ZNF23: variants seen among roughly 807,000 people sequenced by gnomAD.
ZNF23 encodes the protein zinc finger protein 23.
Under a neutral mutation model 56.2 loss-of-function variants are expected in ZNF23, and 48 were observed. The ratio of observed to expected loss-of-function variants is 0.85; its 90% CI spans 0.68 to 1.09. ZNF23 has a LOEUF of 1.09. Among genes scored for constraint, ZNF23 ranks in the 50% least tolerant of loss-of-function variants. The pLI, the probability that ZNF23 is intolerant of heterozygous loss-of-function variation, is 0.00. For synonymous variants in ZNF23, 266 were observed against 283.3 expected (o/e 0.94, Z 0.61); for missense variants, 805 against 811.4 (o/e 0.99, Z 0.10).
In ZNF23 at chr16:71,454,087, A is replaced by G. The variant is rs776777995; in HGVS notation, c.115T>C (p.Tyr39His). ...TAATTCTCCAGCATCACATCCCTGTACAGGGTCCTCTGTGCAGGGGACAGG... is the reference window on the plus strand; with the variant it reads ...TAATTCTCCAGCATCACATCCCTGTGCAGGGTCCTCTGTGCAGGGGACAGG... ...DGLSPAQRTL[Y>H]RDVMLENYGN... The change falls in exon 3 of 5, where the codon TAC becomes CAC. Residue 39 changes from tyrosine (Y) to histidine (H), a missense_variant. Physicochemically the swap from Tyr to His is moderately conservative, Grantham distance 83 (BLOSUM62 2). Coordinates refer to ENST00000647773, the MANE Select transcript of ZNF23 (RefSeq NM_001381984.1). The G allele has an allele frequency of 6.8e-6, 11 of 1,613,994 alleles. No homozygotes were observed. The highest frequency in any genetic ancestry group is 4.4e-5 in the South Asian group (4 of 91,080).
chr16:71,459,308 AGCGGG>A (rs1288543903), intron 1 of ZNF23, among the ~76,000 whole-genome samples: 1 of 152,224 alleles, frequency 6.6e-6, no homozygotes, highest in African/African-American at 2.4e-5. Flanking sequence ...TCGATCCCCC[AGCGGG>A]GCAGCCTTAA....
intron 4 of ZNF23, chr16:71,451,945 G>A (rs2043069151): frequency 6.6e-6 from 1 of 152,208 alleles, no homozygotes; most frequent in South Asian, 2.1e-4. Context: ...ATCACTGACT[G>A]GGCTTCTGAA....
rs73575911 is a variant in ZNF23, at chr16:71,457,157, C to T, written c.-32-329G>A. 6.5e-3 allele frequency among the ~76,000 whole-genome samples: 992 copies of T among 152,306 alleles called. 4 individuals are homozygous for T. Among genetic ancestry groups the T allele is most frequent in the African/African-American group, 0.022 (907 of 41,568 alleles). ...GAGTGCATATAAAACCTGCTGGGCA[C>T]GGTGGCTCGTGCCTATAATCCCAAC... On this transcript the variant is annotated intron_variant, in intron 1 of 4. Coordinates refer to ENST00000647773, the MANE Select transcript of ZNF23 (RefSeq NM_001381984.1).
chr16:71,453,393 C>G (rs1383209968), intron 3 of ZNF23, 43 bp from the exon 4 acceptor site: 1 of 1,414,252 alleles, frequency 7.1e-7, no homozygotes, highest in Admixed American at 2.0e-5. Context: ...TGAATAAACT[C>G]CCACAGACAA....
rs888804787 is a variant in ZNF23 at position 71,456,787 on chromosome 16, T to C, written c.10A>G (p.Met4Val). The C allele has an allele frequency of 6.1e-6, 6 of 985,894 alleles. No homozygotes were observed. In the African/African-American group the frequency reaches 8.7e-5, roughly 14 times the overall value. The allele number at this position is 985,894 out of a possible 1,614,324, so 61.1% of individuals were successfully genotyped here. A position where few individuals can be genotyped will look rare whatever the true frequency, so the allele number is the denominator to read the frequency against. The change falls in exon 2 of 5, where the codon ATG (methionine) becomes GTG (valine). Residue 4 changes from methionine (M) to valine (V), a missense_variant. Physicochemically the swap from Met to Val is conservative, Grantham distance 21 (BLOSUM62 1). Coordinates refer to ENST00000647773, the MANE Select transcript of ZNF23 (RefSeq NM_001381984.1). ...ACCTGGGGCCAGGCTGTCAGGTGCA[T>C]GGCTGCCATCCCCTGGTCCCCGTCT... MAAMHLTAWPQKSV... is the reference protein window; with the variant it reads MAAVHLTAWPQKSV...
At chr16:71,450,682 G>A (rs1043446533) in intron 4 of ZNF23, 3 of 434,768 alleles carry the variant, frequency 6.9e-6, no homozygotes, top group East Asian at 7.9e-5. Context: ...TCTTGCCACT[G>A]CACTCCAGTT....
In ZNF23 at chr16:71,449,355, AGG is replaced by A. The variant is rs755451658; in HGVS notation, c.797_798del (p.Pro266LeufsTer32). 1.2e-6 allele frequency: 2 copies of A among 1,614,224 alleles called. No homozygotes were observed. The highest frequency in any genetic ancestry group is 4.5e-5 in the East Asian group (2 of 44,884). Reference sequence around the variant, plus strand: ...CTTTTCCCACACTCCACACATTTGAAGGGTTTCTCCCCACTGTGAAGTCTCTG... The same window carrying A: ...CTTTTCCCACACTCCACACATTTGAAGTTTCTCCCCACTGTGAAGTCTCTG... ...WHQRLHSGEK[P>X]FKCVECGKSF... On this transcript the variant is annotated frameshift_variant, in exon 5 of 5. Coordinates refer to ENST00000647773, the MANE Select transcript of ZNF23 (RefSeq NM_001381984.1). LOFTEE classifies it high-confidence loss of function.
chr16:71,460,888 AAAC>A (rs61020633), intron 1 of ZNF23, among the ~76,000 whole-genome samples: 35,534 of 152,030 alleles, frequency 0.23, 5,180 homozygotes, highest in South Asian at 0.52. Flanking sequence ...AAAACACTGA[AAAC>A]AACCCACATG....
Position 71,457,993 on chromosome 16 carries a change from C to T in ZNF23, c.-32-1165G>A, listed in dbSNP as rs183162713. Among the ~76,000 whole-genome samples the T allele has an allele frequency of 2.3e-4, 35 of 152,282 alleles. 1 individual carries two copies. The highest frequency in any genetic ancestry group is 3.4e-3 in the Middle Eastern group (1 of 294). On this transcript the variant is annotated intron_variant, in intron 1 of 4. Coordinates refer to ENST00000647773, the MANE Select transcript of ZNF23 (RefSeq NM_001381984.1). ...AGCTGCCCCCCAGTATCCTGCCCCA[C>T]TTCCTCAGAGCTCTGAATGTCCTCA...
chr16:71,460,024 C>A (rs1006628535), intron 1 of ZNF23, among the ~76,000 whole-genome samples: 2 of 152,116 alleles, frequency 1.3e-5, no homozygotes, highest in Non-Finnish European at 2.9e-5. Context: ...CCTTGAAGAC[C>A]GGGCAGTGAG....
rs767922004 is a variant in ZNF23 at position 71,448,238 on chromosome 16, C to A, written c.1916G>T (p.Gly639Val). Residue 639 changes from glycine to valine, a missense_variant, in exon 5 of 5, where the codon GGC becomes GTC. By Grantham distance (109) the Gly-to-Val change is moderately radical. Coordinates refer to ENST00000647773, the MANE Select transcript of ZNF23 (RefSeq NM_001381984.1). ...KPFRCVECGK[G>V]FSFSSDYIIH... Reference sequence around the variant, plus strand: ...AATGTAGTCAGAACTAAAGCTGAAGCCTTTGCCACATTCCACACATCTGAA... The same window carrying A: ...AATGTAGTCAGAACTAAAGCTGAAGACTTTGCCACATTCCACACATCTGAA... 1.2e-6 allele frequency: 2 copies of A among 1,614,086 alleles called. No individual in the cohort carries two copies. The highest frequency in any genetic ancestry group is 1.7e-6 in the Non-Finnish European group (2 of 1,180,046).
rs2042906703 is a variant in ZNF23, at chr16:71,448,042, C to G, written c.*51G>C. ...TTTTCAATGGATGAATCTGATGATACTTGATCCATTTTGGCATTAACCTTA... is the reference window on the plus strand; with the variant it reads ...TTTTCAATGGATGAATCTGATGATAGTTGATCCATTTTGGCATTAACCTTA... On this transcript the variant is annotated 3_prime_UTR_variant, in exon 5 of 5. Transcript: ENST00000647773. 2 of 1,434,388 alleles carry G rather than the reference C, an allele frequency of 1.4e-6. No homozygotes were observed. Among genetic ancestry groups the G allele is most frequent in the South Asian group, 2.8e-5 (2 of 71,266 alleles). The allele number at this position is 1,434,388 out of a possible 1,614,324, so 88.9% of individuals were successfully genotyped here.
chr16:71,448,810 C>T lies in ZNF23; in HGVS notation c.1344G>A (p.Gly448=). The T allele has an allele frequency of 6.2e-7, 1 of 1,614,096 alleles. No individual in the cohort carries two copies. The highest frequency in any genetic ancestry group is 8.5e-7 in the Non-Finnish European group (1 of 1,180,010). Residue 448 remains glycine, a synonymous_variant, in exon 5 of 5, where the codon GGG becomes GGA. Transcript: ENST00000647773. Reference sequence around the variant, plus strand: ...GAATTCTCTGGTGTTGGATTAACTTCCCTTTGACACTGAAGGCTTTTCCAC... The same window carrying T: ...GAATTCTCTGGTGTTGGATTAACTTTCCTTTGACACTGAAGGCTTTTCCAC... ...TECGKAFSVK[G]KLIQHQRIHT... is the part of the protein sequence containing the mutation.
chr16:71,460,605 T>C (rs2043408890), intron 1 of ZNF23, among the ~76,000 whole-genome samples: 1 of 152,254 alleles, frequency 6.6e-6, no homozygotes, highest in Non-Finnish European at 1.5e-5. Flanking sequence ...CAGTCTCATT[T>C]ATGAATTCTA....
At chr16:71,453,888 C>T in intron 3 of ZNF23, 154 bp downstream of exon 3, 1 of 910,640 alleles carries the variant, frequency 1.1e-6, no homozygotes, top group South Asian at 1.6e-5. Context: ...TGGCATTTGC[C>T]CCTGCCAGTA....
rs375425286 is a variant in ZNF23, at chr16:71,449,121, G to A, written c.1033C>T (p.His345Tyr). 6.2e-7 allele frequency: 1 copy of A among 1,614,154 alleles called. No homozygotes were observed. Among genetic ancestry groups the A allele is most frequent in the Non-Finnish European group, 8.5e-7 (1 of 1,180,014 alleles). ...SSAYITHQRV[H>Y]TGEKPYECND... ...CACTCGTAAGGTTTCTCTCCAGTGT[G>A]GACTCTCTGATGTGTAATATATGCA... The change falls in exon 5 of 5, where the codon CAC becomes TAC. Residue 345 changes from histidine (H) to tyrosine (Y), a missense_variant. Physicochemically the swap from His to Tyr is moderately conservative, Grantham distance 83 (BLOSUM62 2). Coordinates refer to ENST00000647773, the MANE Select transcript of ZNF23 (RefSeq NM_001381984.1).
chr16:71,461,514 G>GT (rs1381364647), intron 1 of ZNF23: 2 of 152,208 alleles, frequency 1.3e-5, no homozygotes, highest in Non-Finnish European at 2.9e-5. Context: ...ACTTTAGGTA[G>GT]TAAATTTGCT....
At position 71,448,777 on chromosome 16, in the gene ZNF23, G is replaced by A. The variant is rs201612166; in HGVS notation, c.1377C>T (p.Gly459=). Residue 459 remains glycine, a synonymous_variant, in exon 5 of 5, where the codon GGC becomes GGT. Transcript: ENST00000647773. ...KLIQHQRIHT[G]EKPYECNECG... ...ATTCATTACACTCATAGGGTTTCTC[G>A]CCTGTGTGAATTCTCTGGTGTTGGA... The A allele has an allele frequency of 5.9e-5, 96 of 1,613,872 alleles. No individual in the cohort carries two copies. In the Admixed American group the frequency reaches 8.3e-4, roughly 14 times the overall value.
intron 1 of ZNF23, among the ~76,000 whole-genome samples, chr16:71,459,847 A>G (rs989065987): frequency 6.6e-6 from 1 of 152,184 alleles, no homozygotes; most frequent in African/African-American, 2.4e-5. Context: ...TTTGTGACTC[A>G]TGTCCATTTA....
Sources: allele counts gnomAD v4.1 joint callset (sites outside exome capture counted in the v4.1 genomes callset), GRCh38; gene constraint gnomAD v4.1.1; transcripts MANE v1.5; gene names NCBI Gene and HGNC (gene_info 2026-07-23, HGNC 2026-07-21).